Variants in NXN observed in about 807,000 individuals in gnomAD.
The protein encoded by NXN is nucleoredoxin, also known as nucleoredoxin 1.
A neutral mutation model predicts 48.6 loss-of-function variants in NXN; 16 were observed. The ratio of observed to expected loss-of-function variants is 0.33; its 90% confidence interval spans 0.22 to 0.50. The LOEUF (loss-of-function observed/expected upper bound fraction) is 0.50, where lower values mean the gene tolerates loss of function less well. NXN is among the 20% of genes least tolerant of loss of function. The pLI is 0.98. For missense variants in NXN, 492 were observed against 605.5 expected, an observed-to-expected ratio of 0.81 and a Z score of 1.97; for synonymous variants, 281 against 269.6, an observed-to-expected ratio of 1.04 and a Z score of -0.41.
At chr17:843,076 C>G (rs151257151) in intron 1 of NXN, among the ~76,000 whole-genome samples, 1 of 150,006 alleles carries the variant, frequency 6.7e-6, no homozygotes, top group African/African-American at 2.5e-5. Context: ...AGCAAGCAAG[C>G]AAGCTGCACC....
At chr17:953,204 C>G (rs1013954276) in intron 1 of NXN, among the ~76,000 whole-genome samples, 1 of 152,112 alleles carries the variant, frequency 6.6e-6, no homozygotes, top group Non-Finnish European at 1.5e-5. Flanking sequence ...CACCTGAGGT[C>G]AGGAGTTTGA....
intron 5 of NXN, among the ~76,000 whole-genome samples, chr17:815,470 CTCACAGTTCAG>C (rs1912416542): frequency 1.4e-5 from 2 of 148,070 alleles, no homozygotes; most frequent in South Asian, 4.5e-4. Flanking sequence ...CGATGAGGCA[CTCACAGTTCAG>C]CTGACTTCCA....
rs942107014 is a variant in NXN, at chr17:956,908, C to T, written c.360+22411G>A. Among the ~76,000 whole-genome samples, 3 of 152,180 alleles carry T rather than the reference C, an allele frequency of 2.0e-5. No homozygotes were observed. The highest frequency in any genetic ancestry group is 7.2e-5 in the African/African-American group (3 of 41,460). ...GAGGCTGGCCCCTCCGTTCTCAGAG[C>T]TCCTGCGGGCAACTCCAGCCCTTTT... On this transcript the variant is annotated intron_variant, in intron 1 of 7. Transcript: ENST00000336868. The surrounding 1 kb of genome is among the most constrained non-coding windows in gnomAD (Gnocchi z 4.1).
At chr17:951,292 G>A (rs2069107633) in intron 1 of NXN, among the ~76,000 whole-genome samples, 1 of 148,908 alleles carries the variant, frequency 6.7e-6, no homozygotes, top group African/African-American at 2.5e-5. Flanking sequence ...AGAGGTTGCA[G>A]TGAGTTGAGA....
chr17:822,706 A>G (rs539611870), intron 3 of NXN, among the ~76,000 whole-genome samples: 1 of 152,298 alleles, frequency 6.6e-6, no homozygotes, highest in Non-Finnish European at 1.5e-5. Context: ...TGAGGCAAAA[A>G]TAAACTTGCC....
At chr17:934,303 G>A (rs926054362) in intron 1 of NXN, among the ~76,000 whole-genome samples, 9 of 152,012 alleles carry the variant, frequency 5.9e-5, no homozygotes, top group African/African-American at 1.2e-4. Context: ...AAAATTAGCC[G>A]GGCGTGGTGG....
rs2150624008 is a variant in NXN, at chr17:956,770, G to C, written c.360+22549C>G. On this transcript the variant is annotated intron_variant, in intron 1 of 7. Transcript: ENST00000336868. The surrounding 1 kb of genome is among the most constrained non-coding windows in gnomAD (Gnocchi z 4.1). ...ACCTCCACCGCAACCTGACAAGGTG[G>C]ACGCTGCTATCGTTCCCACTTTACA... Among the ~76,000 whole-genome samples, 1 of 152,228 alleles carries C rather than the reference G, an allele frequency of 6.6e-6. No individual in the cohort carries two copies. Among genetic ancestry groups the C allele is most frequent in the East Asian group, 1.9e-4 (1 of 5,182 alleles).
At chr17:826,099 G>C (rs1285134516) in intron 1 of NXN, 21 bp from the exon 2 acceptor site, 2 of 1,543,358 alleles carry the variant, frequency 1.3e-6, no homozygotes, top group Non-Finnish European at 1.8e-6. Context: ...AAAAGCAAAA[G>C]AAGGTGGTTA....
chr17:970,969 G>A (rs1002449941), intron 1 of NXN, among the ~76,000 whole-genome samples: 4 of 140,428 alleles, frequency 2.8e-5, no homozygotes, highest in Admixed American at 7.2e-5. Flanking sequence ...TTTTTGACAC[G>A]GAGTTTCACT....
At position 932,308 on chromosome 17, in the gene NXN, G is replaced by A. The variant is rs1025672431; in HGVS notation, c.360+47011C>T. Among the ~76,000 whole-genome samples the A allele has an allele frequency of 6.6e-6, 1 of 152,184 alleles. No individual in the cohort carries two copies. The highest frequency in any genetic ancestry group is 1.5e-5 in the Non-Finnish European group (1 of 68,042). ...CGGCGGTTCTTAAACTCTGGTCCCT[G>A]GACGTACGGCTTCCGGGTTGCCTGG... On this transcript the variant is annotated intron_variant, in intron 1 of 7. Coordinates refer to ENST00000336868, the MANE Select transcript of NXN (RefSeq NM_022463.5). This position sits in a 1 kb window ranked among gnomAD's most constrained non-coding sequence, Gnocchi z 4.1.
At chr17:874,428 A>C (rs1390485585) in intron 1 of NXN, among the ~76,000 whole-genome samples, 1 of 152,136 alleles carries the variant, frequency 6.6e-6, no homozygotes, top group Non-Finnish European at 1.5e-5. Context: ...TGCTAAAAAT[A>C]AAAAAATTAG....
rs551044580 is a variant in NXN, at chr17:978,009, T to C, written c.360+1310A>G. Among the ~76,000 whole-genome samples the C allele has an allele frequency of 6.8e-4, 103 of 152,320 alleles. No individual in the cohort carries two copies. Among genetic ancestry groups the C allele is most frequent in the Non-Finnish European group, 1.2e-3 (82 of 68,020 alleles). On this transcript the variant is annotated intron_variant, in intron 1 of 7. Transcript: ENST00000336868. This position sits in a 1 kb window ranked among gnomAD's most constrained non-coding sequence, Gnocchi z 4.1. ...TTTCATACTTTAAATCTCGAATCTC[T>C]ACCTCCCACTGCTTCGGGATGGATG...
chr17:898,239 C>T (rs1308398726), intron 1 of NXN, among the ~76,000 whole-genome samples: 1 of 152,128 alleles, frequency 6.6e-6, no homozygotes, highest in African/African-American at 2.4e-5. Context: ...TGGTCTTTAC[C>T]ATCCCCCCAA....
At chr17:804,232 GT>G (rs974241887) in intron 6 of NXN, among the ~76,000 whole-genome samples, 46 of 151,574 alleles carry the variant, frequency 3.0e-4, no homozygotes, top group Non-Finnish European at 6.0e-4. Context: ...AGAAGAACTG[GT>G]GGTGAGCGGG....
intron 1 of NXN, among the ~76,000 whole-genome samples, chr17:911,736 GA>G (rs748827105): frequency 3.3e-5 from 5 of 150,780 alleles, no homozygotes; most frequent in Non-Finnish European, 5.9e-5. Context: ...AAAGTGCTGG[GA>G]TTACAGGTGT....
At chr17:854,228 CTT>C (rs2067959848) in intron 1 of NXN, among the ~76,000 whole-genome samples, 5 of 152,188 alleles carry the variant, frequency 3.3e-5, no homozygotes, top group African/African-American at 1.2e-4. Flanking sequence ...CGTACTCGCT[CTT>C]CTCACTAAGG....
intron 6 of NXN, 91 bp downstream of exon 6, chr17:804,976 GA>G: frequency 7.3e-7 from 1 of 1,360,602 alleles, no homozygotes; most frequent in Non-Finnish European, 1.0e-6. Context: ...TGGTGACAGA[GA>G]GAAGCGGCAG....
intron 5 of NXN, among the ~76,000 whole-genome samples, chr17:812,207 G>A (rs770979952): frequency 7.2e-5 from 11 of 152,090 alleles, no homozygotes; most frequent in Non-Finnish European, 1.5e-4. Flanking sequence ...GATTACAGGC[G>A]TGAGCCACTG....
At chr17:962,672 A>G (rs1379572307) in intron 1 of NXN, among the ~76,000 whole-genome samples, 1 of 152,312 alleles carries the variant, frequency 6.6e-6, no homozygotes, top group East Asian at 1.9e-4. Context: ...AAAAAAATCT[A>G]TATTAAATAC....
Sources: gnomAD v4.1 joint callset for allele counts (sites outside exome capture counted in the v4.1 genomes callset) on GRCh38, gnomAD v4.1.1 for gene constraint, Gnocchi (gnomAD v3.1) non-coding constraint, MANE v1.5 for transcripts, NCBI Gene and HGNC (gene_info 2026-07-23, HGNC 2026-07-21) for gene names.